Variants in CADM1 observed in about 807,000 individuals in gnomAD.
CADM1 encodes cell adhesion molecule 1.
In CADM1, 15 loss-of-function variants were observed where a neutral mutation model predicts 53.1. The observed-to-expected ratio is 0.28, with a 90% confidence interval of 0.19 to 0.44. CADM1 has a LOEUF of 0.44. Among genes scored for constraint, CADM1 ranks in the 20% least tolerant of loss-of-function variants. The pLI, the probability that CADM1 is intolerant of heterozygous loss-of-function variation, is 1.00. For synonymous variants in CADM1, 281 were observed against 243.0 expected, an observed-to-expected ratio of 1.16 and a Z score of -1.45; for missense variants, 434 against 611.3, an observed-to-expected ratio of 0.71 and a Z score of 3.06.
intron 1 of CADM1, among the ~76,000 whole-genome samples, chr11:115,306,541 T>C (rs1489287214): frequency 6.6e-6 from 1 of 152,020 alleles, no homozygotes; most frequent in Non-Finnish European, 1.5e-5. Flanking sequence ...AAATTTTTCA[T>C]AGTCATTGGT....
chr11:115,194,649 T>G (rs1280606900), intron 9 of CADM1, among the ~76,000 whole-genome samples: 2 of 151,346 alleles, frequency 1.3e-5, no homozygotes, highest in Non-Finnish European at 2.9e-5. Flanking sequence ...AATAATAAAA[T>G]GGAGAGGGGA....
chr11:115,268,641 T>C (rs1263720493), intron 1 of CADM1, among the ~76,000 whole-genome samples: 2 of 152,182 alleles, frequency 1.3e-5, no homozygotes, highest in Admixed American at 1.3e-4. Context: ...CCTCCATTTA[T>C]TGCCTGCAGA....
intron 1 of CADM1, among the ~76,000 whole-genome samples, chr11:115,385,853 C>T (rs1946687574): frequency 1.3e-5 from 2 of 152,144 alleles, no homozygotes; most frequent in South Asian, 4.1e-4. Flanking sequence ...CACAACTGAC[C>T]AGTATAAAAA....
chr11:115,420,772 C>G (rs1947734820), intron 1 of CADM1, among the ~76,000 whole-genome samples: 1 of 152,162 alleles, frequency 6.6e-6, no homozygotes, highest in Non-Finnish European at 1.5e-5. Context: ...TCTTGGCTTA[C>G]TGATGATGAA....
At chr11:115,316,679 T>C (rs1944675535) in intron 1 of CADM1, among the ~76,000 whole-genome samples, 1 of 152,164 alleles carries the variant, frequency 6.6e-6, no homozygotes, top group Non-Finnish European at 1.5e-5. Context: ...TGACGCTATC[T>C]GGTCACCTCT....
intron 10 of CADM1, among the ~76,000 whole-genome samples, chr11:115,182,371 G>GT (rs1939353492): frequency 6.6e-6 from 1 of 152,222 alleles, no homozygotes; most frequent in African/African-American, 2.4e-5. Flanking sequence ...AGTAACAAGT[G>GT]TAAGAGTGTT....
chr11:115,493,694 G>A (rs1163691744), intron 1 of CADM1, among the ~76,000 whole-genome samples: 3 of 152,084 alleles, frequency 2.0e-5, no homozygotes, highest in Admixed American at 1.3e-4. Flanking sequence ...CAAGGAAGTT[G>A]GCAGTATCAG....
chr11:115,200,435 A>G (rs1565293459), intron 8 of CADM1, among the ~76,000 whole-genome samples: 1 of 152,242 alleles, frequency 6.6e-6, no homozygotes. Flanking sequence ...CAAAATTACA[A>G]AAAAGCAATC....
intron 1 of CADM1, among the ~76,000 whole-genome samples, chr11:115,269,919 G>A (rs1300132134): frequency 6.6e-6 from 1 of 152,126 alleles, no homozygotes; most frequent in East Asian, 1.9e-4. Context: ...GAAGAAAGTT[G>A]ACTGCACCAA....
rs2507873 is a variant in CADM1 at position 115,435,343 on chromosome 11, T to C, written c.124+68928A>G. Reference sequence around the variant, plus strand: ...AAGCCAGCCCAAAAGCTAGGAATGGTTTTCACATTTTTTAATGCTTGATCA... The same window carrying C: ...AAGCCAGCCCAAAAGCTAGGAATGGCTTTCACATTTTTTAATGCTTGATCA... On this transcript the variant is annotated intron_variant, in intron 1 of 11. Transcript: ENST00000331581. Among the ~76,000 whole-genome samples, 869 of 152,070 alleles carry C rather than the reference T, an allele frequency of 5.7e-3. 10 individuals carry two copies. The highest frequency in any genetic ancestry group is 0.019 in the African/African-American group (795 of 41,472).
intron 5 of CADM1, among the ~76,000 whole-genome samples, chr11:115,225,038 C>T (rs1279411502): frequency 1.3e-5 from 2 of 152,180 alleles, no homozygotes; most frequent in African/African-American, 2.4e-5. Context: ...GCTTTGAGCT[C>T]TTCCAGCTTG....
chr11:115,421,440 G>A (rs903275828), intron 1 of CADM1, among the ~76,000 whole-genome samples: 7 of 152,188 alleles, frequency 4.6e-5, no homozygotes, highest in Non-Finnish European at 8.8e-5. Flanking sequence ...TCTCAACACA[G>A]CAGCTCAGCC....
intron 1 of CADM1, among the ~76,000 whole-genome samples, chr11:115,268,198 T>G (rs2135038357): frequency 6.6e-6 from 1 of 152,344 alleles, no homozygotes; most frequent in African/African-American, 2.4e-5. Flanking sequence ...GTGCCCAGAA[T>G]TATTAGCTAT....
At chr11:115,386,127 G>A (rs530459180) in intron 1 of CADM1, among the ~76,000 whole-genome samples, 1 of 152,260 alleles carries the variant, frequency 6.6e-6, no homozygotes, top group Admixed American at 6.5e-5. Flanking sequence ...AACCTGTCTG[G>A]CAGTTCATTA....
chr11:115,377,639 C>T (rs910005776), intron 1 of CADM1: 2 of 152,182 alleles, frequency 1.3e-5, no homozygotes, highest in African/African-American at 4.8e-5. Context: ...AGTAATAATT[C>T]ATATACCTAG....
At chr11:115,455,046 C>T (rs1247068450) in intron 1 of CADM1, among the ~76,000 whole-genome samples, 1 of 152,128 alleles carries the variant, frequency 6.6e-6, no homozygotes, top group Non-Finnish European at 1.5e-5. Flanking sequence ...TGAATAACTT[C>T]TCTAATAGGT....
chr11:115,432,363 T>A (rs1323040952), intron 1 of CADM1, among the ~76,000 whole-genome samples: 1 of 152,174 alleles, frequency 6.6e-6, no homozygotes, highest in African/African-American at 2.4e-5. Context: ...ATGCCCAGCA[T>A]CTAGCACATA....
At chr11:115,420,172 C>T (rs1306436921) in intron 1 of CADM1, among the ~76,000 whole-genome samples, 1 of 152,136 alleles carries the variant, frequency 6.6e-6, no homozygotes, top group African/African-American at 2.4e-5. Flanking sequence ...CTGAAACATA[C>T]CACTGGTTAA....
chr11:115,398,418 G>A (rs1381659358), intron 1 of CADM1, among the ~76,000 whole-genome samples: 1 of 152,104 alleles, frequency 6.6e-6, no homozygotes, highest in African/African-American at 2.4e-5. Context: ...AACTAAAATG[G>A]CCATGCCTGA....
Sources: gnomAD v4.1 joint callset for allele counts (sites outside exome capture counted in the v4.1 genomes callset) on GRCh38, gnomAD v4.1.1 for gene constraint, MANE v1.5 for transcripts, NCBI Gene and HGNC (gene_info 2026-07-23, HGNC 2026-07-21) for gene names.